The following ATXN7L1 variants were observed in gnomAD, a reference collection of about 807,000 sequenced individuals.
The protein encoded by ATXN7L1 is ataxin 7 like 1.
ATXN7L1 carries 15 observed loss-of-function variants against 70.8 expected under a neutral mutation model. The observed-to-expected ratio is 0.21, with a 90% CI of 0.14 to 0.33. The LOEUF is 0.33. Among genes scored for constraint, ATXN7L1 ranks in the 10% least tolerant of loss-of-function variants. The pLI, the probability that ATXN7L1 is intolerant of heterozygous loss-of-function variation, is 1.00. For synonymous variants in ATXN7L1, 440 were observed against 445.1 expected, an observed-to-expected ratio of 0.99 and a Z score of 0.14; for missense variants, 975 against 1,097.1, an observed-to-expected ratio of 0.89 and a Z score of 1.57.
intron 3 of ATXN7L1, among the ~76,000 whole-genome samples, chr7:105,744,498 G>A (rs1051160194): frequency 2.6e-5 from 4 of 152,048 alleles, no homozygotes; most frequent in African/African-American, 9.7e-5. Flanking sequence ...CCATGTGTCA[G>A]CAGCACTGTC....
chr7:105,851,524 C>A (rs1814878305), intron 2 of ATXN7L1, among the ~76,000 whole-genome samples: 1 of 152,204 alleles, frequency 6.6e-6, no homozygotes, highest in Admixed American at 6.5e-5. Context: ...CAGCCCTTTA[C>A]CCCAAACAGG....
chr7:105,819,870 G>A, intron 2 of ATXN7L1: 5 of 590,646 alleles, frequency 8.5e-6, no homozygotes, highest in Admixed American at 1.9e-5. Flanking sequence ...TCAAGGTCAT[G>A]CATCTGAAGC....
At chr7:105,664,716 G>T (rs1802347221) in intron 4 of ATXN7L1, among the ~76,000 whole-genome samples, 2 of 151,346 alleles carry the variant, frequency 1.3e-5, no homozygotes, top group Admixed American at 6.6e-5. Context: ...ACAGGTGTGT[G>T]CCACCACACC....
At chr7:105,611,938 C>T (rs1337095032) in intron 10 of ATXN7L1, among the ~76,000 whole-genome samples, 1 of 152,226 alleles carries the variant, frequency 6.6e-6, no homozygotes, top group Non-Finnish European at 1.5e-5. Flanking sequence ...CGAGGTATCA[C>T]CTGCGTTAGA....
At chr7:105,800,265 C>T (rs1585036222) in intron 2 of ATXN7L1, among the ~76,000 whole-genome samples, 1 of 152,140 alleles carries the variant, frequency 6.6e-6, no homozygotes, top group African/African-American at 2.4e-5. Context: ...GGCCCCAATC[C>T]CTGGGTTCCC....
At position 105,607,798 on chromosome 7, in the gene ATXN7L1, C is replaced by G; in HGVS notation, c.*54G>C. On this transcript the variant is annotated 3_prime_UTR_variant, in exon 12 of 12. Transcript: ENST00000419735. Reference sequence around the variant, plus strand: ...CCTCCCTCCTCCTCCCCATGGCCTCCTCGGATGGGATTAGGTGGCCTGGAA... The same window carrying G: ...CCTCCCTCCTCCTCCCCATGGCCTCGTCGGATGGGATTAGGTGGCCTGGAA... 1 of 1,514,250 alleles carries G rather than the reference C, an allele frequency of 6.6e-7. No homozygotes were observed. Among genetic ancestry groups the G allele is most frequent in the Non-Finnish European group, 9.0e-7 (1 of 1,112,678 alleles). 93.8% of individuals were successfully genotyped at this position (1,514,250 alleles called of 1,614,324 possible).
At chr7:105,854,690 GCTT>G in intron 2 of ATXN7L1, among the ~76,000 whole-genome samples, 1 of 152,246 alleles carries the variant, frequency 6.6e-6, no homozygotes, top group African/African-American at 2.4e-5. Flanking sequence ...AGCTGCTGCT[GCTT>G]AATAGTGACA....
At chr7:105,726,144 C>T (rs1282216351) in intron 3 of ATXN7L1, among the ~76,000 whole-genome samples, 1 of 152,142 alleles carries the variant, frequency 6.6e-6, no homozygotes, top group African/African-American at 2.4e-5. Context: ...TCAAGTGATC[C>T]GCCTGCCTTG....
chr7:105,812,229 G>C (rs977612847), intron 2 of ATXN7L1, among the ~76,000 whole-genome samples: 1 of 152,194 alleles, frequency 6.6e-6, no homozygotes, highest in Non-Finnish European at 1.5e-5. Context: ...TGTTGAAACT[G>C]ATGAATCCAA....
intron 2 of ATXN7L1, among the ~76,000 whole-genome samples, chr7:105,809,192 T>G (rs1563110720): frequency 6.6e-6 from 1 of 152,228 alleles, no homozygotes; most frequent in Non-Finnish European, 1.5e-5. Flanking sequence ...TCCCTTAACC[T>G]TGAGAAAATT....
At chr7:105,711,919 G>A (rs1793970552) in intron 3 of ATXN7L1, among the ~76,000 whole-genome samples, 1 of 152,224 alleles carries the variant, frequency 6.6e-6, no homozygotes, top group Non-Finnish European at 1.5e-5. Flanking sequence ...CGCCCCTGCA[G>A]CAGACTTCTG....
chr7:105,852,293 T>C (rs1815002033), intron 2 of ATXN7L1, among the ~76,000 whole-genome samples: 1 of 152,134 alleles, frequency 6.6e-6, no homozygotes, highest in Non-Finnish European at 1.5e-5. Flanking sequence ...GGTTGCCCTG[T>C]TTTCTGACAG....
At position 105,614,835 on chromosome 7, in the gene ATXN7L1, T is replaced by G. The variant is rs1793629465; in HGVS notation, c.1518-19A>C. ...GATCTTCCTAAACATGAGAGAAGAG[T>G]GAAAGAGAATCAGTGAGACATCGGG... On this transcript the variant is annotated intron_variant, in intron 9 of 11. Coordinates refer to ENST00000419735, the MANE Select transcript of ATXN7L1 (RefSeq NM_020725.2). The surrounding 1 kb of genome is among the most constrained non-coding windows in gnomAD (Gnocchi z 4.3). The G allele has an allele frequency of 6.5e-7, 1 of 1,535,452 alleles. No homozygotes were observed. The highest frequency in any genetic ancestry group is 2.5e-5 in the East Asian group (1 of 40,626).
At chr7:105,647,606 C>T (rs538169367) in intron 4 of ATXN7L1, among the ~76,000 whole-genome samples, 1 of 152,342 alleles carries the variant, frequency 6.6e-6, no homozygotes, top group African/African-American at 2.4e-5. Flanking sequence ...GAGATGGCGC[C>T]ATTGCACTCC....
At chr7:105,668,638 T>G (rs189070314) in intron 3 of ATXN7L1, among the ~76,000 whole-genome samples, 6 of 152,278 alleles carry the variant, frequency 3.9e-5, no homozygotes, top group Admixed American at 3.9e-4. Flanking sequence ...GCCAGGCTAG[T>G]GTTGAACTCC....
intron 4 of ATXN7L1, among the ~76,000 whole-genome samples, chr7:105,648,325 C>A (rs114696416): frequency 2.0e-5 from 3 of 152,154 alleles, no homozygotes; most frequent in Non-Finnish European, 4.4e-5. Flanking sequence ...TCTAAGGGAA[C>A]CTGCCTTGGC....
chr7:105,834,604 T>A (rs1021087171), intron 2 of ATXN7L1, among the ~76,000 whole-genome samples: 3 of 152,198 alleles, frequency 2.0e-5, no homozygotes, highest in African/African-American at 7.2e-5. Context: ...CACACCTACC[T>A]TGCTGAAGGG....
chr7:105,744,281 C>T (rs1798324039), intron 3 of ATXN7L1, among the ~76,000 whole-genome samples: 1 of 152,174 alleles, frequency 6.6e-6, no homozygotes, highest in South Asian at 2.1e-4. Context: ...TTTCCAAACA[C>T]TGACATTATT....
At chr7:105,743,586 G>A (rs1584900504) in intron 3 of ATXN7L1, among the ~76,000 whole-genome samples, 1 of 151,992 alleles carries the variant, frequency 6.6e-6, no homozygotes, top group South Asian at 2.1e-4. Context: ...AGATATGATC[G>A]CTTTAGAAGT....
Sources: allele counts gnomAD v4.1 joint callset (sites outside exome capture counted in the v4.1 genomes callset), GRCh38; gene constraint gnomAD v4.1.1; non-coding constraint Gnocchi (gnomAD v3.1); transcripts MANE v1.5; gene names NCBI Gene and HGNC (gene_info 2026-07-23, HGNC 2026-07-21).